GIT2: variants seen among roughly 807,000 people sequenced by gnomAD.
GIT2 encodes GIT ArfGAP 2.
Under a neutral mutation model 100.3 loss-of-function variants are expected in GIT2, and 32 were observed. The observed-to-expected ratio is 0.32, with a 90% CI of 0.24 to 0.43. The LOEUF is 0.43. Ranked by LOEUF, GIT2 falls within the 20% of genes least tolerant of loss-of-function variation. The pLI, the probability that GIT2 is intolerant of heterozygous loss-of-function variation, is 1.00. For missense variants in GIT2, 737 were observed against 975.1 expected (o/e 0.76, Z 3.25); for synonymous variants, 353 against 364.1 (o/e 0.97, Z 0.35).
chr12:109,999,596 C>A, upstream of GIT2: 1 of 1,070,566 alleles, frequency 9.3e-7, no homozygotes, highest in Non-Finnish European at 1.3e-6. The surrounding 1 kb of genome is among the most constrained non-coding windows in gnomAD (Gnocchi z 4.3). Context: ...CTCGCTTGCT[C>A]GCCGGCCTCA....
At chr12:109,984,405 C>G (rs994442969) in intron 4 of GIT2, among the ~76,000 whole-genome samples, 3 of 151,554 alleles carry the variant, frequency 2.0e-5, no homozygotes, top group African/African-American at 7.3e-5. Context: ...GAGCGAGACC[C>G]TGTCTCAAAA....
At chr12:109,961,504 A>G in intron 10 of GIT2, 109 bp downstream of exon 10, 1 of 933,272 alleles carries the variant, frequency 1.1e-6, no homozygotes, top group Non-Finnish European at 1.8e-6. Context: ...AAACGTCGAC[A>G]CTCGCACCAT....
At position 109,988,948 on chromosome 12, in the gene GIT2, A is replaced by C. The variant is rs755331869; in HGVS notation, c.405+15T>G. 1 of 1,468,530 alleles carries C rather than the reference A, an allele frequency of 6.8e-7. No individual in the cohort carries two copies. Among genetic ancestry groups the C allele is most frequent in the Non-Finnish European group, 9.5e-7 (1 of 1,047,660 alleles). The allele number at this position is 1,468,530 out of a possible 1,614,324, so 91.0% of individuals were successfully genotyped here. A position where few individuals can be genotyped will look rare whatever the true frequency, so the allele number is the denominator to read the frequency against. The stretch of plus-strand genomic sequence containing the variant: ...TCAGCCCGCTCTTTTAGGGATTTTA[A>C]AAGGTGTGACCCACCTTGCTAAGAT... On this transcript the variant is annotated intron_variant, in intron 4 of 19. Coordinates refer to ENST00000355312, the MANE Select transcript of GIT2 (RefSeq NM_057169.5).
chr12:109,961,401 A>G, intron 10 of GIT2, 26 bp from the exon 11 acceptor site: 1 of 1,413,644 alleles, frequency 7.1e-7, no homozygotes, highest in South Asian at 1.1e-5. Context: ...AGCCAGAGAC[A>G]AACCTCATCA....
Position 109,932,961 on chromosome 12 carries a change from G to A in GIT2, c.*17C>T, listed in dbSNP as rs1458944742. 2.1e-6 allele frequency: 3 copies of A among 1,450,048 alleles called. No homozygotes were observed. Among genetic ancestry groups the A allele is most frequent in the East Asian group, 2.3e-5 (1 of 44,098 alleles). The allele number at this position is 1,450,048 out of a possible 1,614,324, so 89.8% of individuals were successfully genotyped here. A position where few individuals can be genotyped will look rare whatever the true frequency, so the allele number is the denominator to read the frequency against. On this transcript the variant is annotated 3_prime_UTR_variant, in exon 20 of 20. Transcript: ENST00000355312. ...TTATAAAGCCTAGAAAACAGAGGAG[G>A]CGGTGCCCTGCCCTTGTCAGTTGTT...
At chr12:109,997,862 G>A (rs989277494), upstream of GIT2, 3 of 152,214 alleles carry the variant, frequency 2.0e-5, no homozygotes, top group Non-Finnish European at 4.4e-5. Flanking sequence ...ATGAAATGAG[G>A]TAAATCAGTG....
At chr12:109,945,423 TA>T in intron 15 of GIT2, 74 bp from the exon 16 acceptor site, 1 of 760,914 alleles carries the variant, frequency 1.3e-6, no homozygotes, top group Non-Finnish European at 2.3e-6. Flanking sequence ...CCAGCTTCAG[TA>T]AAAGAATCCT....
At chr12:109,936,042 A>G (rs1205257188) in intron 18 of GIT2, among the ~76,000 whole-genome samples, 1 of 152,204 alleles carries the variant, frequency 6.6e-6, no homozygotes, top group Non-Finnish European at 1.5e-5. Flanking sequence ...GACTTCAGGA[A>G]GGTCAGGGGC....
chr12:109,973,804 G>A (rs1031395160), intron 7 of GIT2, among the ~76,000 whole-genome samples: 3 of 151,986 alleles, frequency 2.0e-5, no homozygotes, highest in African/African-American at 7.3e-5. Context: ...CACTTTGGGA[G>A]GCTGAGGCAG....
At position 109,934,210 on chromosome 12, in the gene GIT2, G is replaced by A. The variant is rs951658778; in HGVS notation, c.2004-125C>T. The A allele has an allele frequency of 1.6e-5, 11 of 673,316 alleles. No individual in the cohort carries two copies. Among genetic ancestry groups the A allele is most frequent in the African/African-American group, 5.3e-5 (3 of 56,102 alleles). 41.7% of individuals were successfully genotyped at this position (673,316 alleles called of 1,614,324 possible). A position where few individuals can be genotyped will look rare whatever the true frequency, so the allele number is the denominator to read the frequency against. On this transcript the variant is annotated intron_variant, in intron 18 of 19. Coordinates refer to ENST00000355312, the MANE Select transcript of GIT2 (RefSeq NM_057169.5). The surrounding 1 kb of genome is among the most constrained non-coding windows in gnomAD (Gnocchi z 4.5). Reference sequence around the variant, plus strand: ...GAAGGGGCTAGGGCTGCAGTCAGCCGTGCATCCCACACCACCAGAGGGCAC... The same window carrying A: ...GAAGGGGCTAGGGCTGCAGTCAGCCATGCATCCCACACCACCAGAGGGCAC...
At chr12:109,958,608 C>T (rs1190365011) in intron 12 of GIT2, among the ~76,000 whole-genome samples, 1 of 152,166 alleles carries the variant, frequency 6.6e-6, no homozygotes, top group African/African-American at 2.4e-5. Context: ...TTTAATAAAC[C>T]TTTTCAGAAC....
chr12:109,961,492 G>T, intron 10 of GIT2, 117 bp from the exon 11 acceptor site: 1 of 935,204 alleles, frequency 1.1e-6, no homozygotes, highest in Non-Finnish European at 1.8e-6. Flanking sequence ...ACACGCAAAG[G>T]CAAACGTCGA....
intron 4 of GIT2, among the ~76,000 whole-genome samples, chr12:109,986,896 G>A (rs775458113): frequency 2.2e-4 from 33 of 152,048 alleles, no homozygotes; most frequent in Admixed American, 5.2e-4. Flanking sequence ...GGCGGAGGTT[G>A]TAGTGAGCCA....
At chr12:109,976,123 A>ACACAAAC (rs1555232729) in intron 7 of GIT2, among the ~76,000 whole-genome samples, 11 of 130,974 alleles carry the variant, frequency 8.4e-5, no homozygotes, top group Non-Finnish European at 1.4e-4. Context: ...CACACACACA[A>ACACAAAC]ACACACACAC....
chr12:109,949,052 A>G, intron 14 of GIT2: 1 of 577,314 alleles, frequency 1.7e-6, no homozygotes, highest in East Asian at 2.9e-5. Context: ...GTTTCTCTGA[A>G]GAGCAAGCCA....
chr12:109,988,688 A>C (rs1887837154), intron 4 of GIT2, among the ~76,000 whole-genome samples: 1 of 152,002 alleles, frequency 6.6e-6, no homozygotes, highest in Non-Finnish European at 1.5e-5. Flanking sequence ...CCCCGTCTCT[A>C]CTAAAAATAC....
rs141408431 is a variant in GIT2 at position 109,989,776 on chromosome 12, A to C, written c.213T>G (p.Gly71=). ...LQMVETLYNN[G]ANSIWEHSLL... is the part of the protein sequence containing the mutation. Reference sequence around the variant, plus strand: ...AAGAATGCTCCCATATAGAGTTAGCACCGTTATTATACAAGGTCTCAACCA... The same window carrying C: ...AAGAATGCTCCCATATAGAGTTAGCCCCGTTATTATACAAGGTCTCAACCA... Residue 71 remains glycine, a synonymous_variant, in exon 3 of 20, where the codon GGT becomes GGG. Transcript: ENST00000355312. 119 of 1,601,446 alleles carry C rather than the reference A, an allele frequency of 7.4e-5. No individual in the cohort carries two copies. The African/African-American group carries it at 1.6e-3, about 21-fold the overall frequency.
chr12:109,941,375 T>A (rs1372840439), intron 16 of GIT2, among the ~76,000 whole-genome samples: 1 of 152,150 alleles, frequency 6.6e-6, no homozygotes, highest in African/African-American at 2.4e-5. Context: ...GATCTGGCTT[T>A]ATGAACAGTC....
In GIT2 at chr12:109,992,035, G is replaced by C. The variant is rs1888492827; in HGVS notation, c.53-275C>G. The stretch of plus-strand genomic sequence containing the variant: ...GGCCACAGTTTGTAGCCCTAATGTG[G>C]ATCTACCATTTCAGATGCATGCTTT... On this transcript the variant is annotated intron_variant, in intron 1 of 19. Coordinates refer to ENST00000355312, the MANE Select transcript of GIT2 (RefSeq NM_057169.5). 4 of 319,434 alleles carry C rather than the reference G, an allele frequency of 1.3e-5. No homozygotes were observed. In the East Asian group the frequency reaches 2.2e-4, roughly 17 times the overall value. 19.8% of individuals were successfully genotyped at this position (319,434 alleles called of 1,614,324 possible). A position where few individuals can be genotyped will look rare whatever the true frequency, so the allele number is the denominator to read the frequency against.
Sources: allele counts gnomAD v4.1 joint callset (sites outside exome capture counted in the v4.1 genomes callset), GRCh38; gene constraint gnomAD v4.1.1; non-coding constraint Gnocchi (gnomAD v3.1); transcripts MANE v1.5; gene names NCBI Gene and HGNC (gene_info 2026-07-23, HGNC 2026-07-21).